Variants in DYNC2I1 observed in about 807,000 individuals in gnomAD.
DYNC2I1 encodes dynein 2 intermediate chain 1.
In DYNC2I1, 89 loss-of-function variants were observed where a neutral mutation model predicts 133.4. That is an observed-to-expected ratio of 0.67 (90% CI 0.56 to 0.80). DYNC2I1 has a LOEUF of 0.80. Ranked by LOEUF, DYNC2I1 falls within the 30% of genes least tolerant of loss-of-function variation. DYNC2I1 has a pLI of 0.00. For synonymous variants in DYNC2I1, 504 were observed against 484.3 expected (o/e 1.04, Z -0.54); for missense variants, 1,291 against 1,314.5 (o/e 0.98, Z 0.28).
chr7:158,843,616 A>G, the DYNC2I1 span, among the ~76,000 whole-genome samples: 1 of 151,638 alleles, frequency 6.6e-6, no homozygotes, highest in Non-Finnish European at 1.5e-5. Flanking sequence ...GGCTGGTCAC[A>G]AACTCCTGAC....
At position 158,941,760 on chromosome 7, in the gene DYNC2I1, C is replaced by T. The variant is rs899977580; in HGVS notation, c.2779-165C>T. The stretch of plus-strand genomic sequence containing the variant: ...GGGTGTAGTGGTGCCTGCGTGTAGT[C>T]TCAGCTACTCAGGAGGCCGAGGCAG... On this transcript the variant is annotated intron_variant, in intron 23 of 24. Coordinates refer to ENST00000407559, the MANE Select transcript of DYNC2I1 (RefSeq NM_018051.5). Among the ~76,000 whole-genome samples, 3 of 151,714 alleles carry T rather than the reference C, an allele frequency of 2.0e-5. No homozygotes were observed. In the South Asian group the frequency reaches 6.2e-4, roughly 32 times the overall value.
At chr7:158,892,026 G>T (rs1845276953) in intron 8 of DYNC2I1, among the ~76,000 whole-genome samples, 1 of 152,194 alleles carries the variant, frequency 6.6e-6, no homozygotes, top group African/African-American at 2.4e-5. Flanking sequence ...GGTGATGGGG[G>T]TTTCTTGTTC....
chr7:158,899,011 G>A (rs963090989), intron 8 of DYNC2I1, among the ~76,000 whole-genome samples: 1 of 151,948 alleles, frequency 6.6e-6, no homozygotes, highest in Admixed American at 6.6e-5. Flanking sequence ...ACATAAGCAT[G>A]TTATCCCTTG....
intron 7 of DYNC2I1, among the ~76,000 whole-genome samples, chr7:158,889,751 C>T (rs1317019666): frequency 6.6e-6 from 1 of 151,946 alleles, no homozygotes; most frequent in Non-Finnish European, 1.5e-5. Flanking sequence ...GGCCTGTAAC[C>T]CCAACACTTT....
intron 15 of DYNC2I1, among the ~76,000 whole-genome samples, chr7:158,919,396 T>C (rs1282697667): frequency 1.3e-5 from 2 of 152,224 alleles, no homozygotes; most frequent in Non-Finnish European, 2.9e-5. Flanking sequence ...AAAGTACAGT[T>C]GCATGTAACT....
intron 1 of DYNC2I1, among the ~76,000 whole-genome samples, chr7:158,869,080 C>T (rs779542835): frequency 1.3e-4 from 20 of 152,274 alleles, no homozygotes; most frequent in East Asian, 5.8e-4. Flanking sequence ...CCTGGGGCCT[C>T]GGCTGGGGAG....
chr7:158,885,316 A>G (rs1844485843), intron 6 of DYNC2I1, among the ~76,000 whole-genome samples: 1 of 151,406 alleles, frequency 6.6e-6, no homozygotes, highest in African/African-American at 2.4e-5. Flanking sequence ...TGGGTTTTGC[A>G]ATACATAATT....
At chr7:158,853,780 A>C (rs1005123827), upstream of DYNC2I1, among the ~76,000 whole-genome samples, 6 of 151,724 alleles carry the variant, frequency 4.0e-5, no homozygotes, top group Non-Finnish European at 8.8e-5. Context: ...TCAGCCCCCA[A>C]GTAGCTGGGA....
chr7:158,907,369 A>G (rs905029977), intron 11 of DYNC2I1, among the ~76,000 whole-genome samples: 2 of 150,328 alleles, frequency 1.3e-5, no homozygotes, highest in Non-Finnish European at 2.9e-5. Flanking sequence ...AAATAAAGCT[A>G]CACAGTATGT....
upstream of DYNC2I1, chr7:158,856,462 T>C (rs1841231401): frequency 1.1e-5 from 4 of 374,420 alleles, no homozygotes; most frequent in East Asian, 1.5e-4. Flanking sequence ...GCAGGCGCAT[T>C]GGGAGGGGCC....
chr7:158,868,037 T>C (rs1285666983), intron 1 of DYNC2I1, among the ~76,000 whole-genome samples: 1 of 151,986 alleles, frequency 6.6e-6, no homozygotes, highest in African/African-American at 2.4e-5. Flanking sequence ...TGAGCCGAGG[T>C]TGCGCCACTG....
chr7:158,896,511 G>T (rs957267860), intron 8 of DYNC2I1, among the ~76,000 whole-genome samples: 4 of 151,978 alleles, frequency 2.6e-5, no homozygotes, highest in Non-Finnish European at 5.9e-5. Context: ...TAACTCTGTC[G>T]CTCAGACTTG....
intron 15 of DYNC2I1, among the ~76,000 whole-genome samples, chr7:158,921,610 A>T (rs550691628): frequency 6.6e-6 from 1 of 152,134 alleles, no homozygotes; most frequent in African/African-American, 2.4e-5. Flanking sequence ...AGGTGGAAGG[A>T]GGGTTCCCTG....
intron 13 of DYNC2I1, among the ~76,000 whole-genome samples, chr7:158,913,756 T>C (rs1847726387): frequency 6.6e-6 from 1 of 152,270 alleles, no homozygotes; most frequent in South Asian, 2.1e-4. Context: ...TCACCCAGGC[T>C]GGAGTGCAGT....
chr7:158,926,546 C>T (rs570809228), intron 19 of DYNC2I1, 83 bp downstream of exon 19: 23 of 1,447,400 alleles, frequency 1.6e-5, no homozygotes, highest in Middle Eastern at 2.4e-4. Flanking sequence ...GCGCAGGGGG[C>T]GGGACCCAGT....
chr7:158,889,080 CTTTTTTTTTTTTT>C (rs369814666), intron 7 of DYNC2I1, among the ~76,000 whole-genome samples: 1 of 126,084 alleles, frequency 7.9e-6, no homozygotes, highest in African/African-American at 2.9e-5. Flanking sequence ...TCCTGTTTTT[CTTTTTTTTTTTTT>C]TTTTTGACAT....
downstream of DYNC2I1, among the ~76,000 whole-genome samples, chr7:158,949,113 G>A (rs1009971348): frequency 2.6e-5 from 4 of 151,764 alleles, no homozygotes; most frequent in Non-Finnish European, 5.9e-5. Flanking sequence ...GCTGCCCTGG[G>A]CGACAGCACC....
In DYNC2I1 at chr7:158,902,541, T is replaced by C; in HGVS notation, c.1303T>C (p.Leu435=). The C allele has an allele frequency of 6.2e-7, 1 of 1,614,014 alleles. No individual in the cohort carries two copies. Among genetic ancestry groups the C allele is most frequent in the Admixed American group, 1.7e-5 (1 of 60,016 alleles). ...AENERIGELS[L]KLFQKRGRTE... is the part of the protein sequence containing the mutation. ...AAATGAAAGGATTGGCGAGTTATCT[T>C]TGAAACTGTTTCAGAAGCGAGGTAG... Residue 435 remains leucine, a synonymous_variant, in exon 10 of 25, where the codon TTG becomes CTG. Transcript: ENST00000407559.
intron 11 of DYNC2I1, among the ~76,000 whole-genome samples, chr7:158,909,158 C>T (rs2129484350): frequency 6.6e-6 from 1 of 151,766 alleles, no homozygotes; most frequent in South Asian, 2.1e-4. Flanking sequence ...TGGTGAAACC[C>T]CGTGCCTACC....
Sources: allele counts gnomAD v4.1 joint callset (sites outside exome capture counted in the v4.1 genomes callset), GRCh38; gene constraint gnomAD v4.1.1; transcripts MANE v1.5; gene names NCBI Gene and HGNC (gene_info 2026-07-23, HGNC 2026-07-21).